The following GRM8 variants were observed in gnomAD, a reference collection of about 807,000 sequenced individuals.
The protein encoded by GRM8 is glutamate metabotropic receptor 8, also known as metabotropic glutamate receptor 8.
Under a neutral mutation model 87.2 loss-of-function variants are expected in GRM8, and 47 were observed. The observed-to-expected ratio is 0.54, with a 90% CI of 0.43 to 0.69. The LOEUF (loss-of-function observed/expected upper bound fraction) is 0.69, where lower values mean the gene tolerates loss of function less well. Among genes scored for constraint, GRM8 ranks in the 30% least tolerant of loss-of-function variants. GRM8 has a pLI of 0.00. For missense variants in GRM8, 1,019 were observed against 1,139.2 expected (o/e 0.89, Z 1.52); for synonymous variants, 396 against 404.5 (o/e 0.98, Z 0.25).
chr7:127,081,904 G>T (rs1822912459), intron 3 of GRM8, among the ~76,000 whole-genome samples: 1 of 152,202 alleles, frequency 6.6e-6, no homozygotes, highest in Non-Finnish European at 1.5e-5. Context: ...TATCAGCAGT[G>T]CTGGAGGATG....
intron 6 of GRM8, among the ~76,000 whole-genome samples, chr7:126,819,970 C>T (rs1315797284): frequency 2.2e-4 from 33 of 152,134 alleles, no homozygotes; most frequent in Admixed American, 2.2e-3. Context: ...ACAGTAGCTT[C>T]TACCCACACA....
At chr7:126,707,203 C>T (rs1010440497) in intron 7 of GRM8, among the ~76,000 whole-genome samples, 1 of 152,080 alleles carries the variant, frequency 6.6e-6, no homozygotes, top group Admixed American at 6.6e-5. Context: ...CAATGCTCCC[C>T]TGGCTCAGGA....
intron 7 of GRM8, among the ~76,000 whole-genome samples, chr7:126,683,631 T>C (rs1003246822): frequency 1.3e-5 from 2 of 152,218 alleles, no homozygotes; most frequent in South Asian, 2.1e-4. Flanking sequence ...GTCAAGTATA[T>C]ATTGCATTAA....
At chr7:127,006,759 A>G (rs1018894372) in intron 3 of GRM8, among the ~76,000 whole-genome samples, 2 of 151,936 alleles carry the variant, frequency 1.3e-5, no homozygotes, top group Non-Finnish European at 2.9e-5. Context: ...CAGTCCTTGA[A>G]CGTCTTCTCT....
intron 8 of GRM8, among the ~76,000 whole-genome samples, chr7:126,547,229 T>C (rs1253718529): frequency 6.6e-6 from 1 of 152,142 alleles, no homozygotes; most frequent in African/African-American, 2.4e-5. Context: ...AGTCCAAAGA[T>C]CACTGGGCAT....
intron 3 of GRM8, chr7:127,058,175 T>A (rs1415872670): frequency 1.2e-5 from 6 of 518,680 alleles, no homozygotes; most frequent in Non-Finnish European, 2.4e-5. Flanking sequence ...CACAATGTCA[T>A]GGCATAATAT....
chr7:127,028,903 C>CTCTAGT (rs1222870184), intron 3 of GRM8, among the ~76,000 whole-genome samples: 1 of 151,976 alleles, frequency 6.6e-6, no homozygotes, highest in African/African-American at 2.4e-5. Context: ...GCTCTTGCTT[C>CTCTAGT]TCTAGTTCTT....
At chr7:127,058,545 A>C (rs1018217856) in intron 3 of GRM8, among the ~76,000 whole-genome samples, 1 of 152,184 alleles carries the variant, frequency 6.6e-6, no homozygotes, top group Non-Finnish European at 1.5e-5. Context: ...GTGAAAAAAA[A>C]AATTAATTTG....
At chr7:127,224,364 A>T (rs1022912445) in intron 2 of GRM8, among the ~76,000 whole-genome samples, 3 of 152,208 alleles carry the variant, frequency 2.0e-5, no homozygotes, top group Non-Finnish European at 2.9e-5. Flanking sequence ...GATTTCGCAA[A>T]ATAAACCAAG....
chr7:126,776,715 G>C (rs1307856735), intron 6 of GRM8, among the ~76,000 whole-genome samples: 1 of 152,076 alleles, frequency 6.6e-6, no homozygotes, highest in Non-Finnish European at 1.5e-5. Flanking sequence ...CTTGCATTCT[G>C]GTTCTAACAC....
intron 6 of GRM8, among the ~76,000 whole-genome samples, chr7:126,845,336 G>C (rs770150172): frequency 1.3e-5 from 2 of 152,154 alleles, no homozygotes; most frequent in Non-Finnish European, 2.9e-5. Flanking sequence ...GAGGGTATTG[G>C]ACAAGGCTCA....
intron 2 of GRM8, among the ~76,000 whole-genome samples, chr7:127,224,247 C>A (rs947715818): frequency 2.6e-5 from 4 of 152,134 alleles, no homozygotes; most frequent in African/African-American, 7.2e-5. Context: ...GAAATCCACA[C>A]CAAGATGCAT....
At chr7:126,819,093 G>A (rs1794056135) in intron 6 of GRM8, among the ~76,000 whole-genome samples, 1 of 152,078 alleles carries the variant, frequency 6.6e-6, no homozygotes, top group Non-Finnish European at 1.5e-5. Context: ...TGTCTACCCA[G>A]CCAGCAATTG....
At chr7:126,766,947 C>T (rs140211517) in intron 7 of GRM8, among the ~76,000 whole-genome samples, 5 of 152,142 alleles carry the variant, frequency 3.3e-5, no homozygotes, top group African/African-American at 4.8e-5. Flanking sequence ...TAAATCCCTG[C>T]GAAGAGCAAT....
chr7:127,086,389 T>C (rs2237788), intron 3 of GRM8, among the ~76,000 whole-genome samples: 36,909 of 152,174 alleles, frequency 0.24, 5,209 homozygotes, highest in African/African-American at 0.39. Context: ...CGTGAGCCAC[T>C]GCGCCTGGCC....
intron 6 of GRM8, among the ~76,000 whole-genome samples, chr7:126,811,562 T>G (rs2151739485): frequency 6.6e-6 from 1 of 152,190 alleles, no homozygotes; most frequent in Admixed American, 6.5e-5. Context: ...TAGTTTTCCT[T>G]GTAGACATCG....
At chr7:126,683,621 G>C (rs186844199) in intron 7 of GRM8, among the ~76,000 whole-genome samples, 55 of 152,096 alleles carry the variant, frequency 3.6e-4, no homozygotes, top group Admixed American at 2.7e-3. Flanking sequence ...CTTACTGAAG[G>C]TCAAGTATAT....
intron 9 of GRM8, among the ~76,000 whole-genome samples, chr7:126,499,585 T>C (rs1463187941): frequency 1.3e-5 from 2 of 151,806 alleles, no homozygotes; most frequent in African/African-American, 4.8e-5. Flanking sequence ...TTCTACACAG[T>C]GAAATACTAT....
chr7:127,190,197 T>C (rs1794948656), intron 2 of GRM8, among the ~76,000 whole-genome samples: 1 of 152,208 alleles, frequency 6.6e-6, no homozygotes, highest in Admixed American at 6.5e-5. Flanking sequence ...GAAGAGAAGC[T>C]TGCCACTAGA....
Sources: gnomAD v4.1 joint callset for allele counts (sites outside exome capture counted in the v4.1 genomes callset) on GRCh38, gnomAD v4.1.1 for gene constraint, MANE v1.5 for transcripts, NCBI Gene and HGNC (gene_info 2026-07-23, HGNC 2026-07-21) for gene names.